Variants in PLXNA4 observed in about 807,000 individuals in gnomAD.
PLXNA4 encodes the protein plexin-A4.
Under a neutral mutation model 191.8 loss-of-function variants are expected in PLXNA4, and 44 were observed. The observed-to-expected ratio is 0.23, with a 90% confidence interval of 0.18 to 0.29. PLXNA4 has a LOEUF of 0.29. Ranked by LOEUF, PLXNA4 falls within the 10% of genes least tolerant of loss-of-function variation. PLXNA4 has a pLI of 1.00. For synonymous variants in PLXNA4, 1,082 were observed against 1,009.5 expected (o/e 1.07, Z -1.36); for missense variants, 1,800 against 2,488.8 (o/e 0.72, Z 5.89).
chr7:132,295,696 G>A (rs1406400150), intron 4 of PLXNA4, among the ~76,000 whole-genome samples: 1 of 152,118 alleles, frequency 6.6e-6, no homozygotes, highest in Non-Finnish European at 1.5e-5. Context: ...CCTCACCTGG[G>A]CTGCTGTGCT....
chr7:132,563,522 C>T lies in PLXNA4; in HGVS notation c.-87+12900G>A, dbSNP rs1207699334. On this transcript the variant is annotated intron_variant, in intron 1 of 31. Transcript: ENST00000321063. ...TCCTCCTCCTCCTCCTCCTGCTGCT[C>T]CTCCTCCTCTTTCTCCTCCTCCTCC... Among the ~76,000 whole-genome samples, 6 of 105,802 alleles carry T rather than the reference C, an allele frequency of 5.7e-5. 1 individual carries two copies. The highest frequency in any genetic ancestry group is 1.7e-4 in the African/African-American group (5 of 30,056). The allele number at this position is 105,802 out of a possible 152,430, so 69.4% of individuals were successfully genotyped here.
At chr7:132,471,884 C>T (rs1273991049) in intron 3 of PLXNA4, among the ~76,000 whole-genome samples, 2 of 152,200 alleles carry the variant, frequency 1.3e-5, no homozygotes, top group East Asian at 3.9e-4. Context: ...ACCAGGTATG[C>T]TTTCTGGCTT....
intron 3 of PLXNA4, among the ~76,000 whole-genome samples, chr7:132,334,283 G>A (rs1310853720): frequency 9.7e-6 from 1 of 103,308 alleles, no homozygotes; most frequent in East Asian, 2.5e-4. Flanking sequence ...TTTGAGATAG[G>A]GTCTCACTTT....
At chr7:132,156,116 C>T (rs1204107467) in intron 25 of PLXNA4, among the ~76,000 whole-genome samples, 2 of 149,538 alleles carry the variant, frequency 1.3e-5, no homozygotes, top group Admixed American at 6.7e-5. Context: ...GAATCTCTCT[C>T]TCTCTCTGTT....
intron 2 of PLXNA4, among the ~76,000 whole-genome samples, chr7:132,635,173 TA>T (rs1245087803): frequency 1.0e-3 from 5 of 4,972 alleles, no homozygotes; most frequent in South Asian, 9.8e-3. Flanking sequence ...CTCCCCTTTA[TA>T]TATATATATA....
chr7:132,205,051 A>G (rs1036062595), intron 10 of PLXNA4, among the ~76,000 whole-genome samples: 2 of 152,166 alleles, frequency 1.3e-5, no homozygotes, highest in Non-Finnish European at 2.9e-5. Context: ...CGTTTGACCA[A>G]TGGCACCCGG....
At chr7:132,308,184 C>A (rs935248913) in intron 3 of PLXNA4, among the ~76,000 whole-genome samples, 1 of 152,118 alleles carries the variant, frequency 6.6e-6, no homozygotes, top group African/African-American at 2.4e-5. Flanking sequence ...AGGTTCAAAC[C>A]AGCAAATTTC....
At chr7:132,286,092 T>G (rs1477453376) in intron 4 of PLXNA4, among the ~76,000 whole-genome samples, 1 of 152,190 alleles carries the variant, frequency 6.6e-6, no homozygotes, top group Non-Finnish European at 1.5e-5. Context: ...CATGAGAAAG[T>G]TGGGTTTCTG....
chr7:132,370,553 T>A (rs2116895575), intron 3 of PLXNA4, among the ~76,000 whole-genome samples: 1 of 152,368 alleles, frequency 6.6e-6, no homozygotes, highest in East Asian at 1.9e-4. Flanking sequence ...TTATCTGTAT[T>A]TGGTTAATAA....
At chr7:132,647,776 TCATATACACA>T (rs1281219978) in intron 1 of PLXNA4, among the ~76,000 whole-genome samples, 6 of 150,606 alleles carry the variant, frequency 4.0e-5, no homozygotes, top group South Asian at 2.1e-4. Flanking sequence ...ACAAACACTA[TCATATACACA>T]CATATACACA....
At chr7:132,176,502 CTGAG>C (rs1313935138) in intron 20 of PLXNA4, among the ~76,000 whole-genome samples, 3 of 152,028 alleles carry the variant, frequency 2.0e-5, no homozygotes, top group Admixed American at 6.6e-5. Flanking sequence ...GGGCACTTGT[CTGAG>C]TGTGTATGTC....
intron 3 of PLXNA4, among the ~76,000 whole-genome samples, chr7:132,380,560 C>A (rs1033681305): frequency 3.3e-5 from 5 of 152,122 alleles, no homozygotes; most frequent in African/African-American, 1.2e-4. Context: ...TTTCATGATC[C>A]TGATTTAAAG....
intron 2 of PLXNA4, among the ~76,000 whole-genome samples, chr7:132,636,727 C>T (rs1193209175): frequency 6.6e-6 from 1 of 152,122 alleles, no homozygotes; most frequent in Non-Finnish European, 1.5e-5. Context: ...ATAAGGTGGC[C>T]TTGTTTGAGC....
chr7:132,398,449 G>T (rs960795289), intron 3 of PLXNA4, among the ~76,000 whole-genome samples: 9 of 152,166 alleles, frequency 5.9e-5, no homozygotes, highest in Admixed American at 5.2e-4. Flanking sequence ...AAGCCAGGAG[G>T]GCCCTGGGTG....
intron 2 of PLXNA4, among the ~76,000 whole-genome samples, chr7:132,614,355 C>T (rs1803109927): frequency 6.6e-6 from 1 of 152,254 alleles, no homozygotes; most frequent in African/African-American, 2.4e-5. Context: ...TCGGTAGCCA[C>T]ATGCGGCCAG....
At chr7:132,456,049 A>G (rs1334310953) in intron 3 of PLXNA4, among the ~76,000 whole-genome samples, 1 of 151,790 alleles carries the variant, frequency 6.6e-6, no homozygotes, top group Admixed American at 6.6e-5. Flanking sequence ...GAGGGAGACA[A>G]AACCATTTAT....
intron 9 of PLXNA4, among the ~76,000 whole-genome samples, chr7:132,214,446 A>G (rs1218820725): frequency 6.6e-6 from 1 of 152,122 alleles, no homozygotes; most frequent in African/African-American, 2.4e-5. Flanking sequence ...ATTTTCCTCT[A>G]GTGGCGCTGC....
At chr7:132,464,051 G>C (rs942919341) in intron 3 of PLXNA4, among the ~76,000 whole-genome samples, 2 of 152,204 alleles carry the variant, frequency 1.3e-5, no homozygotes, top group African/African-American at 2.4e-5. Flanking sequence ...GGAGTGGAGA[G>C]CTTACCTCTG....
At chr7:132,555,131 T>TA (rs1052432311) in intron 1 of PLXNA4, among the ~76,000 whole-genome samples, 13 of 151,746 alleles carry the variant, frequency 8.6e-5, no homozygotes, top group African/African-American at 3.2e-4. Context: ...CCAGGTCCTA[T>TA]AAAAATAACG....
Sources: gnomAD v4.1 joint callset for allele counts (sites outside exome capture counted in the v4.1 genomes callset) on GRCh38, gnomAD v4.1.1 for gene constraint, MANE v1.5 for transcripts, NCBI Gene and HGNC (gene_info 2026-07-23, HGNC 2026-07-21) for gene names.